Variants in CASTOR2 observed in about 807,000 individuals in gnomAD.
CASTOR2 encodes the protein GATS protein like 2.
CASTOR2 carries 8 observed loss-of-function variants against 31.2 expected under a neutral mutation model. The ratio of observed to expected loss-of-function variants is 0.26; its 90% confidence interval spans 0.15 to 0.46. The LOEUF is 0.46. Among genes scored for constraint, CASTOR2 ranks in the 20% least tolerant of loss-of-function variants. The probability of loss-of-function intolerance (pLI) is 0.99; values close to 1 mark genes in which losing one functional copy is unlikely to be tolerated. For missense variants in CASTOR2, 216 were observed against 382.1 expected (o/e 0.57, Z 3.62); for synonymous variants, 162 against 158.7 (o/e 1.02, Z -0.16).
chr7:75,015,606 T>G (rs1804846048), intron 2 of CASTOR2, among the ~76,000 whole-genome samples: 1 of 152,112 alleles, frequency 6.6e-6, no homozygotes, highest in Admixed American at 6.6e-5. Context: ...GCCCCCTATT[T>G]TCTTAGGGAC....
intron 1 of CASTOR2, among the ~76,000 whole-genome samples, chr7:75,001,759 C>G (rs1563059757): frequency 6.6e-6 from 1 of 152,232 alleles, no homozygotes. Context: ...ACCCTCTGTC[C>G]TTGCTTCTGA....
chr7:74,990,896 C>T (rs1184873235), intron 1 of CASTOR2, among the ~76,000 whole-genome samples: 59 of 151,804 alleles, frequency 3.9e-4, no homozygotes, highest in African/African-American at 1.4e-3. Flanking sequence ...GGTGTGGTGG[C>T]ACACGCCTAT....
At position 75,018,004 on chromosome 7, in the gene CASTOR2, C is replaced by T. The variant is rs1804905460; in HGVS notation, c.393C>T (p.Asp131=). The change falls in exon 4 of 9, where the codon GAC becomes GAT. Residue 131 remains aspartate (D), a synonymous_variant. Transcript: ENST00000616305. ...QTDFILVRER[D]LPFVTHTLSS... ...CTTGCCCCTAGGTGCGCGAGCGGGACCTGCCCTTTGTCACCCACACATTGT... is the reference window on the plus strand; with the variant it reads ...CTTGCCCCTAGGTGCGCGAGCGGGATCTGCCCTTTGTCACCCACACATTGT... 6.2e-7 allele frequency: 1 copy of T among 1,614,122 alleles called. No individual in the cohort carries two copies. Among genetic ancestry groups the T allele is most frequent in the African/African-American group, 1.3e-5 (1 of 74,942 alleles).
Position 75,027,918 on chromosome 7 carries a change from G to C in CASTOR2, c.*3219G>C, listed in dbSNP as rs1041519150. On this transcript the variant is annotated 3_prime_UTR_variant, in exon 9 of 9. Transcript: ENST00000616305. ...AGCTATCTCCTGGTCTGCTGGGTGG[G>C]AGGGTCTCTCCAGGCCCCAGACCCC... 5,789 of 1,171,944 alleles carry C rather than the reference G, an allele frequency of 4.9e-3. 18 individuals are homozygous for C. Among genetic ancestry groups the C allele is most frequent in the Non-Finnish European group, 6.5e-3 (5,337 of 817,208 alleles). 72.6% of individuals were successfully genotyped at this position (1,171,944 alleles called of 1,614,324 possible).
chr7:74,990,249 A>G (rs1385507780), intron 1 of CASTOR2, among the ~76,000 whole-genome samples: 2 of 151,918 alleles, frequency 1.3e-5, no homozygotes, highest in African/African-American at 4.8e-5. Flanking sequence ...TTAGCCGGGC[A>G]TGGTAGTGGT....
At chr7:74,994,209 T>C (rs1177794309) in intron 1 of CASTOR2, among the ~76,000 whole-genome samples, 1 of 152,248 alleles carries the variant, frequency 6.6e-6, no homozygotes, top group Non-Finnish European at 1.5e-5. Flanking sequence ...AGCTCTGCCC[T>C]GGTGCTTGGC....
At chr7:75,009,332 T>C (rs1468862285) in intron 2 of CASTOR2, among the ~76,000 whole-genome samples, 252 of 126,008 alleles carry the variant, frequency 2.0e-3, no homozygotes, top group Admixed American at 2.7e-3. Flanking sequence ...TGCAGTGGTG[T>C]GATCTCAGCA....
chr7:75,018,713 A>G (rs1413823172), intron 4 of CASTOR2, among the ~76,000 whole-genome samples: 1 of 152,256 alleles, frequency 6.6e-6, no homozygotes, highest in Admixed American at 6.5e-5. Flanking sequence ...GAACACAGGT[A>G]GGAACGGAGC....
At chr7:75,000,920 C>T (rs1804478960) in intron 1 of CASTOR2, among the ~76,000 whole-genome samples, 1 of 152,068 alleles carries the variant, frequency 6.6e-6, no homozygotes, top group African/African-American at 2.4e-5. Flanking sequence ...GCCTCTGCCT[C>T]CCAAAGTGCT....
rs1429169498 is a variant in CASTOR2, at chr7:75,004,018, G to T, written c.114-3976G>T. 1.4e-4 allele frequency among the ~76,000 whole-genome samples: 22 copies of T among 152,272 alleles called. No individual in the cohort carries two copies. In the South Asian group the frequency reaches 1.9e-3, roughly 13 times the overall value. ...GTGTTTATGCCCTCCGGAATAATTT[G>T]TGCGGTCTATTTCTGGAGTGTCCCT... On this transcript the variant is annotated intron_variant, in intron 1 of 8. Transcript: ENST00000616305.
chr7:75,016,558 C>T (rs1488106802), intron 2 of CASTOR2, among the ~76,000 whole-genome samples: 2 of 152,190 alleles, frequency 1.3e-5, no homozygotes, highest in Non-Finnish European at 2.9e-5. Context: ...AACCCCAAAG[C>T]CCCACCCAGC....
At position 75,030,757 on chromosome 7, in the gene CASTOR2, G is replaced by A. The variant is rs917551473; in HGVS notation, c.*6058G>A. Among the ~76,000 whole-genome samples, 4 of 152,248 alleles carry A rather than the reference G, an allele frequency of 2.6e-5. No homozygotes were observed. Among genetic ancestry groups the A allele is most frequent in the East Asian group, 3.9e-4 (2 of 5,188 alleles). On this transcript the variant is annotated 3_prime_UTR_variant, in exon 9 of 9. Transcript: ENST00000616305. ...TCCCTAGCCTCAGAATTCACACGCC[G>A]TTGCCTCCACCATGCTCTGGTTTGA...
At chr7:75,014,125 A>G (rs1804812087) in intron 2 of CASTOR2, among the ~76,000 whole-genome samples, 1 of 152,114 alleles carries the variant, frequency 6.6e-6, no homozygotes, top group Non-Finnish European at 1.5e-5. Flanking sequence ...AGAAGCTTAG[A>G]CTTGCAGTTA....
At chr7:75,011,428 CA>C (rs1294488684) in intron 2 of CASTOR2, among the ~76,000 whole-genome samples, 8,303 of 65,118 alleles carry the variant, frequency 0.13, 266 homozygotes, top group South Asian at 0.17. Flanking sequence ...GACTCCATCT[CA>C]AAAAAAAAAA....
chr7:75,023,175 G>C (rs1208917326), intron 7 of CASTOR2, among the ~76,000 whole-genome samples: 1 of 152,124 alleles, frequency 6.6e-6, no homozygotes, highest in Non-Finnish European at 1.5e-5. Flanking sequence ...GGTCGTGGTG[G>C]CAGGCGCCTG....
At chr7:75,003,618 C>T (rs1377060461) in intron 1 of CASTOR2, among the ~76,000 whole-genome samples, 3 of 151,726 alleles carry the variant, frequency 2.0e-5, no homozygotes, top group Non-Finnish European at 2.9e-5. Flanking sequence ...GGCGTGGTGG[C>T]GTGCGCCTGT....
chr7:75,013,545 C>CGGTG (rs1804799968), intron 2 of CASTOR2, among the ~76,000 whole-genome samples: 1 of 151,850 alleles, frequency 6.6e-6, no homozygotes, highest in African/African-American at 2.4e-5. Context: ...CGGTGGGCTG[C>CGGTG]GGTGGGAGGA....
At chr7:75,009,232 A>G (rs1804674127) in intron 2 of CASTOR2, among the ~76,000 whole-genome samples, 1 of 139,104 alleles carries the variant, frequency 7.2e-6, no homozygotes, top group Non-Finnish European at 1.5e-5. Context: ...CTGAGATTAC[A>G]GGCATGAGCC....
intron 2 of CASTOR2, among the ~76,000 whole-genome samples, chr7:75,011,428 C>CAA (rs1294488684): frequency 9.8e-4 from 64 of 65,118 alleles, no homozygotes; most frequent in Admixed American, 1.1e-3. Flanking sequence ...GACTCCATCT[C>CAA]AAAAAAAAAA....
Sources: gnomAD v4.1 joint callset for allele counts (sites outside exome capture counted in the v4.1 genomes callset) on GRCh38, gnomAD v4.1.1 for gene constraint, MANE v1.5 for transcripts, NCBI Gene and HGNC (gene_info 2026-07-23, HGNC 2026-07-21) for gene names.